The following NUMBL variants were observed in gnomAD, a reference collection of about 807,000 sequenced individuals.
NUMBL encodes the protein NUMB like endocytic adaptor protein.
In NUMBL, 20 loss-of-function variants were observed where a neutral mutation model predicts 48.9. That is an observed-to-expected ratio of 0.41 (90% CI 0.29 to 0.59). NUMBL has a LOEUF of 0.59. Among genes scored for constraint, NUMBL ranks in the 20% least tolerant of loss-of-function variants. NUMBL has a pLI of 0.31. For missense variants in NUMBL, 660 were observed against 846.2 expected (o/e 0.78, Z 2.73); for synonymous variants, 340 against 348.7 (o/e 0.98, Z 0.28).
chr19:40,675,956 C>T (rs1338239998), intron 7 of NUMBL, among the ~76,000 whole-genome samples: 1 of 151,968 alleles, frequency 6.6e-6, no homozygotes, highest in African/African-American at 2.4e-5. Flanking sequence ...GCCTCTACCT[C>T]CTGGGCCCAG....
chr19:40,678,095 C>T (rs549128999), intron 6 of NUMBL, among the ~76,000 whole-genome samples: 28 of 152,136 alleles, frequency 1.8e-4, no homozygotes, highest in African/African-American at 6.3e-4. Flanking sequence ...TGGAGGTGGG[C>T]CTTTGAGAGA....
chr19:40,679,054 G>C (rs769660613), intron 6 of NUMBL, among the ~76,000 whole-genome samples: 1 of 152,152 alleles, frequency 6.6e-6, no homozygotes, highest in Non-Finnish European at 1.5e-5. Flanking sequence ...TCGTGCCACT[G>C]TACTCCAGCC....
rs1260162506 is a variant in NUMBL, at chr19:40,682,296, T to C, written c.399+432A>G. ...TACACACCACCATGTCCAGCTAATT[T>C]TTGTATTTTTAGTGAGATGAGGTTT... On this transcript the variant is annotated intron_variant, in intron 5 of 9. Coordinates refer to ENST00000252891, the MANE Select transcript of NUMBL (RefSeq NM_004756.5). The surrounding 1 kb of genome is among the most constrained non-coding windows in gnomAD (Gnocchi z 4.0). Among the ~76,000 whole-genome samples the C allele has an allele frequency of 6.6e-6, 1 of 152,050 alleles. No homozygotes were observed. Among genetic ancestry groups the C allele is most frequent in the Non-Finnish European group, 1.5e-5 (1 of 68,016 alleles).
Position 40,686,942 on chromosome 19 carries a change from CG to C in NUMBL, c.77del (p.Pro26ArgfsTer17), listed in dbSNP as rs1343160165. 12 of 1,544,802 alleles carry C rather than the reference CG, an allele frequency of 7.8e-6. No individual in the cohort carries two copies. The highest frequency in any genetic ancestry group is 1.4e-5 in the African/African-American group (1 of 72,662). On this transcript the variant is annotated frameshift_variant, in exon 2 of 10. Transcript: ENST00000252891. LOFTEE classifies it high-confidence loss of function. ...RHLPPAPCGA[P>X]GPPETCRTEP... is the part of the protein sequence containing the mutation. ...CCGTCCTGCAGGTTTCTGGGGGCCC[CG>C]GGGCCCCACAGGGGGCTGGGGGCAG... is the stretch of plus-strand genomic sequence containing the variant.
In NUMBL at chr19:40,673,702, C is replaced by T. The variant is rs1036687204; in HGVS notation, c.731-53G>A. 2.1e-6 allele frequency: 3 copies of T among 1,415,516 alleles called. No homozygotes were observed. The highest frequency in any genetic ancestry group is 1.9e-6 in the Non-Finnish European group (2 of 1,075,246). 87.7% of individuals were successfully genotyped at this position (1,415,516 alleles called of 1,614,324 possible). On this transcript the variant is annotated intron_variant, in intron 7 of 9. Transcript: ENST00000252891. This position sits in a 1 kb window ranked among gnomAD's most constrained non-coding sequence, Gnocchi z 5.9. ...AGATATCTCACCATGGCATGCAAGGCCTCTCCCACCTGGTTCTCTTGATCA... is the reference window on the plus strand; with the variant it reads ...AGATATCTCACCATGGCATGCAAGGTCTCTCCCACCTGGTTCTCTTGATCA...
chr19:40,678,572 A>C (rs1489339929), intron 6 of NUMBL, among the ~76,000 whole-genome samples: 1 of 152,222 alleles, frequency 6.6e-6, no homozygotes, highest in Non-Finnish European at 1.5e-5. Flanking sequence ...AAGAGCCCTC[A>C]CCAAGAAATG....
rs1297719401 is a variant in NUMBL at position 40,682,135 on chromosome 19, T to G, written c.399+593A>C. The stretch of plus-strand genomic sequence containing the variant: ...TAATGGTAGGGTCTATTATAATCCC[T>G]GTTTTTCTGCGATGGAGTTTAGCTC... On this transcript the variant is annotated intron_variant, in intron 5 of 9. Coordinates refer to ENST00000252891, the MANE Select transcript of NUMBL (RefSeq NM_004756.5). This position sits in a 1 kb window ranked among gnomAD's most constrained non-coding sequence, Gnocchi z 4.0. Among the ~76,000 whole-genome samples, 1 of 152,160 alleles carries G rather than the reference T, an allele frequency of 6.6e-6. No homozygotes were observed. The highest frequency in any genetic ancestry group is 1.5e-5 in the Non-Finnish European group (1 of 68,040).
Position 40,682,924 on chromosome 19 carries a change from C to T in NUMBL, c.294G>A (p.Val98=). The T allele has an allele frequency of 1.9e-6, 3 of 1,613,996 alleles. No homozygotes were observed. The highest frequency in any genetic ancestry group is 1.7e-6 in the Non-Finnish European group (2 of 1,180,004). ...TCAGCTTCTTCACCGCATCTTCACA[C>T]ACGTGCATTCCCCGGGACTCCTCTA... The part of the protein sequence containing the change: ...VEVEESRGMH[V]CEDAVKKLKA... Residue 98 remains valine (V), a synonymous_variant, in exon 4 of 10, where the codon GTG becomes GTA. Coordinates refer to ENST00000252891, the MANE Select transcript of NUMBL (RefSeq NM_004756.5). This position sits in a 1 kb window ranked among gnomAD's most constrained non-coding sequence, Gnocchi z 4.0.
At chr19:40,684,009 T>TC (rs1340252646) in intron 3 of NUMBL, 2 of 173,944 alleles carry the variant, frequency 1.1e-5, no homozygotes, top group African/African-American at 2.5e-5. Flanking sequence ...CAAGCAATCC[T>TC]CCCACCACAG....
chr19:40,667,831 A>G lies in NUMBL; in HGVS notation c.1467T>C (p.Pro489=). 2 of 1,590,336 alleles carry G rather than the reference A, an allele frequency of 1.3e-6. No individual in the cohort carries two copies. The highest frequency in any genetic ancestry group is 1.7e-6 in the Non-Finnish European group (2 of 1,168,760). The change falls in exon 10 of 10, where the codon CCT becomes CCC. Residue 489 remains proline, a synonymous_variant. Coordinates refer to ENST00000252891, the MANE Select transcript of NUMBL (RefSeq NM_004756.5). The surrounding 1 kb of genome is among the most constrained non-coding windows in gnomAD (Gnocchi z 6.1). ...CCAAGCCCGGGTAGGCGGGCACAAA[A>G]GGGGGCTGCATGTGTGGGGGTGGCA... The part of the protein sequence containing the change: ...VFLPPPHMQP[P]FVPAYPGLGY...
rs1172864296 is a variant in NUMBL at position 40,688,150 on chromosome 19, A to G, written c.25-1155T>C. Among the ~76,000 whole-genome samples the G allele has an allele frequency of 6.6e-6, 1 of 152,200 alleles. No homozygotes were observed. The highest frequency in any genetic ancestry group is 6.5e-5 in the Admixed American group (1 of 15,284). On this transcript the variant is annotated intron_variant, in intron 1 of 9. Coordinates refer to ENST00000252891, the MANE Select transcript of NUMBL (RefSeq NM_004756.5). This position sits in a 1 kb window ranked among gnomAD's most constrained non-coding sequence, Gnocchi z 4.6. ...AGGCATGGCCACAGCATCAATGTCC[A>G]TGTGACCCAGCCACCTATCATGGTC... is the stretch of plus-strand genomic sequence containing the variant.
In NUMBL at chr19:40,667,316, T is replaced by G; in HGVS notation, c.*152A>C. 1 of 1,120,546 alleles carries G rather than the reference T, an allele frequency of 8.9e-7. No homozygotes were observed. The highest frequency in any genetic ancestry group is 1.2e-6 in the Non-Finnish European group (1 of 806,842). 69.4% of individuals were successfully genotyped at this position (1,120,546 alleles called of 1,614,324 possible). ...TGCAACCTGGGCGTCACAATGTTGG[T>G]TCTGTAGTGGTTGTCGGGGTGGTTG... On this transcript the variant is annotated 3_prime_UTR_variant, in exon 10 of 10. Transcript: ENST00000252891. This position sits in a 1 kb window ranked among gnomAD's most constrained non-coding sequence, Gnocchi z 6.1.
Position 40,666,553 on chromosome 19 carries a change from T to C in NUMBL, c.*915A>G, listed in dbSNP as rs1188248354. ...CGCCTGGCAGGTGCTGAGTCAGTGG[T>C]ACCTGTTACCACGCTATGACTCAGA... On this transcript the variant is annotated 3_prime_UTR_variant, in exon 10 of 10. Coordinates refer to ENST00000252891, the MANE Select transcript of NUMBL (RefSeq NM_004756.5). 6.6e-6 allele frequency: 1 copy of C among 152,542 alleles called. No homozygotes were observed. The highest frequency in any genetic ancestry group is 1.5e-5 in the Non-Finnish European group (1 of 68,036). 9.4% of individuals were successfully genotyped at this position (152,542 alleles called of 1,614,324 possible). A position where few individuals can be genotyped will look rare whatever the true frequency, so the allele number is the denominator to read the frequency against.
intron 7 of NUMBL, among the ~76,000 whole-genome samples, chr19:40,676,777 A>G (rs778836987): frequency 6.6e-6 from 1 of 151,976 alleles, no homozygotes; most frequent in Non-Finnish European, 1.5e-5. Flanking sequence ...CGCCCTTAGA[A>G]TATTGCCCAG....
chr19:40,677,499 G>A (rs1054325923), intron 6 of NUMBL, 78 bp from the exon 7 acceptor site: 28 of 1,363,826 alleles, frequency 2.1e-5, no homozygotes, highest in Admixed American at 4.2e-5. Flanking sequence ...GGTTATAGCC[G>A]CTAGGTACTG....
At chr19:40,681,646 A>G (rs939615186) in intron 5 of NUMBL, among the ~76,000 whole-genome samples, 1 of 152,138 alleles carries the variant, frequency 6.6e-6, no homozygotes, top group African/African-American at 2.4e-5. Flanking sequence ...CTGAGCAGTT[A>G]CGATGTACTA....
rs1000534172 is a variant in NUMBL, at chr19:40,687,662, T to C, written c.25-667A>G. Among the ~76,000 whole-genome samples, 2 of 152,174 alleles carry C rather than the reference T, an allele frequency of 1.3e-5. No homozygotes were observed. Among genetic ancestry groups the C allele is most frequent in the Admixed American group, 1.3e-4 (2 of 15,278 alleles). ...GCGTGGCCACACCCAGTGACAGCTATGTTTCCTCAGGCACCCGCCCAAGAT... is the reference window on the plus strand; with the variant it reads ...GCGTGGCCACACCCAGTGACAGCTACGTTTCCTCAGGCACCCGCCCAAGAT... On this transcript the variant is annotated intron_variant, in intron 1 of 9. Coordinates refer to ENST00000252891, the MANE Select transcript of NUMBL (RefSeq NM_004756.5). The surrounding 1 kb of genome is among the most constrained non-coding windows in gnomAD (Gnocchi z 4.6).
At position 40,673,665 on chromosome 19, in the gene NUMBL, A is replaced by T. The variant is rs1281005196; in HGVS notation, c.731-16T>A. ...GCTGCCTCTGCTGGAGACATGGGGG[A>T]GATGGATGGTTAGATATCTCACCAT... On this transcript the variant is annotated splice_polypyrimidine_tract_variant and intron_variant, in intron 7 of 9. Coordinates refer to ENST00000252891, the MANE Select transcript of NUMBL (RefSeq NM_004756.5). The surrounding 1 kb of genome is among the most constrained non-coding windows in gnomAD (Gnocchi z 5.9). 1.4e-6 allele frequency: 2 copies of T among 1,462,280 alleles called. No individual in the cohort carries two copies. The highest frequency in any genetic ancestry group is 5.0e-5 in the East Asian group (2 of 40,136). 90.6% of individuals were successfully genotyped at this position (1,462,280 alleles called of 1,614,324 possible). A position where few individuals can be genotyped will look rare whatever the true frequency, so the allele number is the denominator to read the frequency against.
At chr19:40,669,813 C>T in intron 9 of NUMBL, 85 bp downstream of exon 9, 3 of 1,531,408 alleles carry the variant, frequency 2.0e-6, no homozygotes, top group Non-Finnish European at 2.6e-6. Flanking sequence ...CCCAAGACCC[C>T]TGGAGTGTCT....
Sources: allele counts gnomAD v4.1 joint callset (sites outside exome capture counted in the v4.1 genomes callset), GRCh38; gene constraint gnomAD v4.1.1; non-coding constraint Gnocchi (gnomAD v3.1); transcripts MANE v1.5; gene names NCBI Gene and HGNC (gene_info 2026-07-23, HGNC 2026-07-21).